The following ICAM5 variants were observed in gnomAD, a reference collection of about 807,000 sequenced individuals.
ICAM5 encodes intercellular adhesion molecule 5.
Under a neutral mutation model 78.8 loss-of-function variants are expected in ICAM5, and 38 were observed. The ratio of observed to expected loss-of-function variants is 0.48; its 90% CI spans 0.37 to 0.63. The LOEUF (loss-of-function observed/expected upper bound fraction) is 0.63, where lower values mean the gene tolerates loss of function less well. Among genes scored for constraint, ICAM5 ranks in the 30% least tolerant of loss-of-function variants. The pLI is 0.00. For synonymous variants in ICAM5, 544 were observed against 590.9 expected (o/e 0.92, Z 1.15); for missense variants, 1,059 against 1,303.0 (o/e 0.81, Z 2.88).
chr19:10,291,930 C>A, intron 3 of ICAM5, 105 bp from the exon 4 acceptor site: 1 of 1,478,820 alleles, frequency 6.8e-7, no homozygotes, highest in Non-Finnish European at 9.3e-7. Flanking sequence ...AGCTGTTTCC[C>A]CCTCCGTGCC....
intron 4 of ICAM5, 91 bp from the exon 5 acceptor site, chr19:10,292,521 A>G: frequency 4.7e-6 from 7 of 1,486,250 alleles, no homozygotes; most frequent in Non-Finnish European, 6.3e-6. Flanking sequence ...GTTCGTTCTC[A>G]GCACCCCGAG....
intron 9 of ICAM5, 101 bp from the exon 10 acceptor site, chr19:10,295,245 G>A: frequency 1.5e-6 from 2 of 1,318,470 alleles, no homozygotes; most frequent in Non-Finnish European, 2.0e-6. Context: ...CTGCCCATCA[G>A]AGGCGCGGTG....
Position 10,291,736 on chromosome 19 carries a change from C to T in ICAM5, c.600C>T (p.Ala200=). Residue 200 remains alanine, a synonymous_variant, in exon 3 of 11, where the codon GCC becomes GCT. Coordinates refer to ENST00000221980, the MANE Select transcript of ICAM5 (RefSeq NM_003259.4). The part of the protein sequence containing the change: ...EDHGANFSCR[A]ELDLRPHGLG... ...ATGGAGCCAATTTCTCGTGTCGCGC[C>T]GAGCTGGACCTGCGGCCGCACGGAC... is the stretch of plus-strand genomic sequence containing the variant. The T allele has an allele frequency of 6.2e-7, 1 of 1,612,848 alleles. No individual in the cohort carries two copies. The highest frequency in any genetic ancestry group is 8.5e-7 in the Non-Finnish European group (1 of 1,179,996).
rs555255926 is a variant in ICAM5, at chr19:10,296,739, A to G, written c.*123A>G. ...ATTCAACTCCAAGGGCGTCACCCCC[A>G]TTTTCTACCCATCCCCTCAATAAAG... On this transcript the variant is annotated 3_prime_UTR_variant, in exon 11 of 11. Coordinates refer to ENST00000221980, the MANE Select transcript of ICAM5 (RefSeq NM_003259.4). 1.3e-5 allele frequency: 11 copies of G among 843,102 alleles called. No individual in the cohort carries two copies. The highest frequency in any genetic ancestry group is 1.7e-5 in the Non-Finnish European group (11 of 656,086). 52.2% of individuals were successfully genotyped at this position (843,102 alleles called of 1,614,324 possible). A position where few individuals can be genotyped will look rare whatever the true frequency, so the allele number is the denominator to read the frequency against.
chr19:10,296,552 CG>C lies in ICAM5; in HGVS notation c.2717del (p.Gly906AlafsTer16), dbSNP rs2145032960. On this transcript the variant is annotated frameshift_variant, in exon 11 of 11. Coordinates refer to ENST00000221980, the MANE Select transcript of ICAM5 (RefSeq NM_003259.4). LOFTEE classifies it high-confidence loss of function. Reference sequence around the variant, plus strand: ...GGCGCGGAGGGCGGACCCGAGGCGGCGGGGGGCGCGGCCGAGTCGCCGGCGG... The same window carrying C: ...GGCGCGGAGGGCGGACCCGAGGCGGCGGGGGCGCGGCCGAGTCGCCGGCGG... ...AAGAEGGPEA[A>X]GGAAESPAEG... The C allele has an allele frequency of 8.2e-7, 1 of 1,219,780 alleles. No homozygotes were observed. Among genetic ancestry groups the C allele is most frequent in the Non-Finnish European group, 1.0e-6 (1 of 972,496 alleles). The allele number at this position is 1,219,780 out of a possible 1,614,324, so 75.6% of individuals were successfully genotyped here. A position where few individuals can be genotyped will look rare whatever the true frequency, so the allele number is the denominator to read the frequency against.
rs1157894730 is a variant in ICAM5 at position 10,292,126 on chromosome 19, T to C, written c.765T>C (p.Phe255=). ...TGAGCTGCACTCTGGACGGACTGTT[T>C]CCAGCCTCAGAGGCCAGGGTCTACC... ...RPVSCTLDGL[F]PASEARVYLA... Residue 255 remains phenylalanine (F), a synonymous_variant, in exon 4 of 11, where the codon TTT becomes TTC. Coordinates refer to ENST00000221980, the MANE Select transcript of ICAM5 (RefSeq NM_003259.4). 1.9e-6 allele frequency: 3 copies of C among 1,613,278 alleles called. No individual in the cohort carries two copies. In the Admixed American group the frequency reaches 5.0e-5, roughly 27 times the overall value.
Position 10,293,867 on chromosome 19 carries a change from G to T in ICAM5, c.1635G>T (p.Glu545Asp), listed in dbSNP as rs1441007982. ...VIEGLLRVAREHAGTYRCEAT... is the reference protein window; with the variant it reads ...VIEGLLRVARDHAGTYRCEAT... ...AGGGGCTGTTGCGTGTGGCCCGGGA[G>T]CATGCGGGCACTTACCGCTGCGAAG... Residue 545 changes from glutamate (E) to aspartate (D), a missense_variant, in exon 7 of 11, where the codon GAG (glutamate) becomes GAT (aspartate). This residue lies in a region of ICAM5 where 815 missense variants were observed against 952.8 expected (regional missense o/e 0.86). Transcript: ENST00000221980. This position sits in a 1 kb window ranked among gnomAD's most constrained non-coding sequence, Gnocchi z 5.0. 5.6e-6 allele frequency: 9 copies of T among 1,611,780 alleles called. No homozygotes were observed. Among genetic ancestry groups the T allele is most frequent in the Non-Finnish European group, 7.6e-6 (9 of 1,180,010 alleles).
In ICAM5 at chr19:10,294,150, T is replaced by A. The variant is rs749464135; in HGVS notation, c.1822T>A (p.Cys608Ser). The change falls in exon 8 of 11, where the codon TGC (cysteine) becomes AGC (serine). Residue 608 changes from cysteine (C) to serine (S), a missense_variant. Around this residue, in one of 3 missense-constraint regions of ICAM5, gnomAD observed 815 missense variants for 952.8 expected, o/e 0.86. Transcript: ENST00000221980. The surrounding 1 kb of genome is among the most constrained non-coding windows in gnomAD (Gnocchi z 7.7). ...VDGKPQPSVKCVGSGGATEGV... is the reference protein window; with the variant it reads ...VDGKPQPSVKSVGSGGATEGV... The stretch of plus-strand genomic sequence containing the variant: ...TGGGAAGCCACAGCCAAGCGTGAAG[T>A]GCGTGGGCTCCGGGGGCGCCACTGA... 6.2e-7 allele frequency: 1 copy of A among 1,611,368 alleles called. No individual in the cohort carries two copies. Among genetic ancestry groups the A allele is most frequent in the South Asian group, 1.1e-5 (1 of 90,890 alleles).
chr19:10,291,455 T>A (rs901886), intron 2 of ICAM5, 34 bp from the exon 3 acceptor site: 6 of 1,609,858 alleles, frequency 3.7e-6, no homozygotes, highest in Non-Finnish European at 5.1e-6. Context: ...CAAGTCCCGG[T>A]GTTCAAAGAG....
Position 10,293,585 on chromosome 19 carries a change from C to G in ICAM5, c.1466-113C>G, listed in dbSNP as rs1425117667. 1 of 1,432,922 alleles carries G rather than the reference C, an allele frequency of 7.0e-7. No homozygotes were observed. Among genetic ancestry groups the G allele is most frequent in the African/African-American group, 1.4e-5 (1 of 70,598 alleles). The allele number at this position is 1,432,922 out of a possible 1,614,324, so 88.8% of individuals were successfully genotyped here. A position where few individuals can be genotyped will look rare whatever the true frequency, so the allele number is the denominator to read the frequency against. On this transcript the variant is annotated intron_variant, in intron 6 of 10. Coordinates refer to ENST00000221980, the MANE Select transcript of ICAM5 (RefSeq NM_003259.4). The surrounding 1 kb of genome is among the most constrained non-coding windows in gnomAD (Gnocchi z 5.0). ...GCGTGACACCTCCTTGGATCGGCGT[C>G]CAAGGGTTATGCAGGGACAACACTT... is the stretch of plus-strand genomic sequence containing the variant.
Position 10,292,340 on chromosome 19 carries a change from G to T in ICAM5, c.961+18G>T. ...CATCTACAGTAAGGAAGGAGGCGGG[G>T]TCTCCGCGGCTCCGAGGTGGGACCA... is the stretch of plus-strand genomic sequence containing the variant. On this transcript the variant is annotated intron_variant, in intron 4 of 10. Transcript: ENST00000221980. The T allele has an allele frequency of 6.4e-7, 1 of 1,568,748 alleles. No homozygotes were observed. The highest frequency in any genetic ancestry group is 8.6e-7 in the Non-Finnish European group (1 of 1,159,316).
chr19:10,291,522 C>G lies in ICAM5; in HGVS notation c.386C>G (p.Pro129Arg), dbSNP rs755186666. 1.9e-5 allele frequency: 30 copies of G among 1,612,472 alleles called. No individual in the cohort carries two copies. The highest frequency in any genetic ancestry group is 2.5e-5 in the Non-Finnish European group (30 of 1,179,946). ...GATCGCGTAGAGCTGATGCCGCTGCCTCCCTGGCAGCCGGTGGGCGAGAAC... is the reference window on the plus strand; with the variant it reads ...GATCGCGTAGAGCTGATGCCGCTGCGTCCCTGGCAGCCGGTGGGCGAGAAC... ...RPDRVELMPL[P>R]PWQPVGENFT... The change falls in exon 3 of 11, where the codon CCT (proline) becomes CGT (arginine). Residue 129 changes from proline to arginine, a missense_variant. By Grantham distance (103) the Pro-to-Arg change is moderately radical. This residue lies in a region of ICAM5 where 815 missense variants were observed against 952.8 expected (regional missense o/e 0.86). Coordinates refer to ENST00000221980, the MANE Select transcript of ICAM5 (RefSeq NM_003259.4).
chr19:10,291,895 C>A (rs2040176191), intron 3 of ICAM5, 86 bp downstream of exon 3: 2 of 1,504,180 alleles, frequency 1.3e-6, no homozygotes, highest in African/African-American at 1.4e-5. Flanking sequence ...TGAATGCTGA[C>A]CCCGACTTCA....
Position 10,294,357 on chromosome 19 carries a change from C to T in ICAM5, c.1990+39C>T, listed in dbSNP as rs748147937. ...AGGCGGGTAGGGAGCAGGGGTGCCC[C>T]ACGGTCCAGGCACTCCCTGACATCC... On this transcript the variant is annotated intron_variant, in intron 8 of 10. Transcript: ENST00000221980. This position sits in a 1 kb window ranked among gnomAD's most constrained non-coding sequence, Gnocchi z 7.7. 3 of 1,612,272 alleles carry T rather than the reference C, an allele frequency of 1.9e-6. No individual in the cohort carries two copies. The highest frequency in any genetic ancestry group is 1.7e-5 in the Admixed American group (1 of 59,736).
At position 10,293,599 on chromosome 19, in the gene ICAM5, G is replaced by A; in HGVS notation, c.1466-99G>A. 1 of 1,490,086 alleles carries A rather than the reference G, an allele frequency of 6.7e-7. No homozygotes were observed. Among genetic ancestry groups the A allele is most frequent in the Non-Finnish European group, 9.1e-7 (1 of 1,100,448 alleles). 92.3% of individuals were successfully genotyped at this position (1,490,086 alleles called of 1,614,324 possible). On this transcript the variant is annotated intron_variant, in intron 6 of 10. Coordinates refer to ENST00000221980, the MANE Select transcript of ICAM5 (RefSeq NM_003259.4). The surrounding 1 kb of genome is among the most constrained non-coding windows in gnomAD (Gnocchi z 5.0). ...TGGATCGGCGTCCAAGGGTTATGCAGGGACAACACTTCGTGGAAGCCTTGC... is the reference window on the plus strand; with the variant it reads ...TGGATCGGCGTCCAAGGGTTATGCAAGGACAACACTTCGTGGAAGCCTTGC...
chr19:10,291,199 G>A lies in ICAM5; in HGVS notation c.210G>A (p.Ser70=). The change falls in exon 2 of 11, where the codon TCG becomes TCA. Residue 70 remains serine (S), a synonymous_variant. Coordinates refer to ENST00000221980, the MANE Select transcript of ICAM5 (RefSeq NM_003259.4). ...CGGAGCGCGGTGGCCTGGAGACCTCGCTGCGCCGAAACGGGACCCAGAGGG... is the reference window on the plus strand; with the variant it reads ...CGGAGCGCGGTGGCCTGGAGACCTCACTGCGCCGAAACGGGACCCAGAGGG... ...PRPERGGLET[S]LRRNGTQRGL... The A allele has an allele frequency of 1.9e-6, 3 of 1,612,272 alleles. No homozygotes were observed. In the Admixed American group the frequency reaches 5.0e-5, roughly 27 times the overall value.
At chr19:10,291,958 A>G (rs2040176660) in intron 3 of ICAM5, 77 bp from the exon 4 acceptor site, 3 of 1,524,284 alleles carry the variant, frequency 2.0e-6, no homozygotes, top group Admixed American at 3.5e-5. Flanking sequence ...TGATAATACG[A>G]TAAGATAGTG....
Position 10,292,812 on chromosome 19 carries a change from G to C in ICAM5, c.1162G>C (p.Asp388His). 2 of 1,613,310 alleles carry C rather than the reference G, an allele frequency of 1.2e-6. No homozygotes were observed. Among genetic ancestry groups the C allele is most frequent in the South Asian group, 1.1e-5 (1 of 91,066 alleles). ...RRSFFCDATL[D>H]VDGETLIKNR... ...CAGCTTCTTCTGCGACGCCACCCTC[G>C]ATGTGGACGGGGAGACCCTGATCAA... is the stretch of plus-strand genomic sequence containing the variant. Residue 388 changes from aspartate (D) to histidine (H), a missense_variant, in exon 5 of 11, where the codon GAT becomes CAT. Asp to His is a moderately conservative substitution (Grantham distance 81, BLOSUM62 -1). This residue lies in a region of ICAM5 where 815 missense variants were observed against 952.8 expected (regional missense o/e 0.86). Coordinates refer to ENST00000221980, the MANE Select transcript of ICAM5 (RefSeq NM_003259.4).
In ICAM5 at chr19:10,291,213, G is replaced by C; in HGVS notation, c.224G>C (p.Gly75Ala). 2 of 1,612,402 alleles carry C rather than the reference G, an allele frequency of 1.2e-6. No individual in the cohort carries two copies. Among genetic ancestry groups the C allele is most frequent in the African/African-American group, 1.3e-5 (1 of 75,052 alleles). ...GGLETSLRRN[G>A]TQRGLRWLAR... ...CTGGAGACCTCGCTGCGCCGAAACG[G>C]GACCCAGAGGGGTTTGCGTTGGTTG... The change falls in exon 2 of 11, where the codon GGG becomes GCG. Residue 75 changes from glycine to alanine, a missense_variant. Gly to Ala is a moderately conservative substitution (Grantham distance 60). This residue lies in a region of ICAM5 where 815 missense variants were observed against 952.8 expected (regional missense o/e 0.86). Transcript: ENST00000221980.
Sources: gnomAD v4.1 joint callset for allele counts on GRCh38, gnomAD v4.1.1 for gene constraint, gnomAD v4.1.1 regional missense constraint, Gnocchi (gnomAD v3.1) non-coding constraint, MANE v1.5 for transcripts, NCBI Gene and HGNC (gene_info 2026-07-23, HGNC 2026-07-21) for gene names.